Variants in FBXO41 observed in about 807,000 individuals in gnomAD.
FBXO41 encodes F-box only protein 41.
A neutral mutation model predicts 81.6 loss-of-function variants in FBXO41; 33 were observed. The observed-to-expected ratio is 0.40, with a 90% CI of 0.31 to 0.54. The LOEUF (loss-of-function observed/expected upper bound fraction) is 0.54. Among genes scored for constraint, FBXO41 ranks in the 20% least tolerant of loss-of-function variants. The pLI is 0.39. For synonymous variants in FBXO41, 576 were observed against 552.7 expected (o/e 1.04, Z -0.59); for missense variants, 1,107 against 1,236.0 (o/e 0.90, Z 1.56).
rs552850019 is a variant in FBXO41 at position 73,279,854 on chromosome 2, C to T, written c.-139+4306G>A. 1.2e-4 allele frequency among the ~76,000 whole-genome samples: 18 copies of T among 152,272 alleles called. 1 individual carries two copies. Among genetic ancestry groups the T allele is most frequent in the African/African-American group, 3.1e-4 (13 of 41,546 alleles). On this transcript the variant is annotated intron_variant, in intron 1 of 12. Coordinates refer to ENST00000520530, the MANE Select transcript of FBXO41 (RefSeq NM_001371389.2). Reference sequence around the variant, plus strand: ...TAATTTTACTGTATATCTTCACTTCCGCAGGCCCGAGGCACGAATAATTCA... The same window carrying T: ...TAATTTTACTGTATATCTTCACTTCTGCAGGCCCGAGGCACGAATAATTCA...
At position 73,255,000 on chromosome 2, in the gene FBXO41, G is replaced by A. The variant is rs998607615; in HGVS notation, c.*3982C>T. 6.5e-6 allele frequency: 1 copy of A among 152,712 alleles called. No homozygotes were observed. Among genetic ancestry groups the A allele is most frequent in the African/African-American group, 2.4e-5 (1 of 41,470 alleles). The allele number at this position is 152,712 out of a possible 1,614,324, so 9.5% of individuals were successfully genotyped here. A position where few individuals can be genotyped will look rare whatever the true frequency, so the allele number is the denominator to read the frequency against. Reference sequence around the variant, plus strand: ...CTCAGGCCCATTATAGCCTAGCTGTGTAGGAAGGTAGGGCCTAAGGGCCAG... The same window carrying A: ...CTCAGGCCCATTATAGCCTAGCTGTATAGGAAGGTAGGGCCTAAGGGCCAG... On this transcript the variant is annotated 3_prime_UTR_variant, in exon 13 of 13. Coordinates refer to ENST00000520530, the MANE Select transcript of FBXO41 (RefSeq NM_001371389.2).
intron 1 of FBXO41, among the ~76,000 whole-genome samples, chr2:73,283,702 C>T (rs928156797): frequency 2.0e-5 from 3 of 152,228 alleles, no homozygotes; most frequent in Non-Finnish European, 1.5e-5. Context: ...TGCACACCTC[C>T]AGACTATCAC....
At chr2:73,280,651 C>T (rs1176389794) in intron 1 of FBXO41, among the ~76,000 whole-genome samples, 10 of 152,322 alleles carry the variant, frequency 6.6e-5, no homozygotes, top group African/African-American at 1.9e-4. Context: ...CAAATGCTAC[C>T]TTTTCCATCA....
Position 73,266,673 on chromosome 2 carries a change from C to T in FBXO41, c.915G>A (p.Val305=). ...TCTCCTTCAGGAACTGGTCGATCTG[C>T]ACCACCTCCCTGGGCCCAGAGCAGT... is the stretch of plus-strand genomic sequence containing the variant. ...QELSRKQQEV[V]QIDQFLKETA... Residue 305 remains valine, a synonymous_variant, in exon 3 of 13, where the codon GTG becomes GTA. Transcript: ENST00000520530. This position sits in a 1 kb window ranked among gnomAD's most constrained non-coding sequence, Gnocchi z 5.3. 5 of 1,586,496 alleles carry T rather than the reference C, an allele frequency of 3.2e-6. No homozygotes were observed. Among genetic ancestry groups the T allele is most frequent in the Non-Finnish European group, 4.3e-6 (5 of 1,167,164 alleles).
chr2:73,271,007 T>C (rs542232414), intron 1 of FBXO41: 4 of 499,970 alleles, frequency 8.0e-6, no homozygotes, highest in South Asian at 6.0e-5. Context: ...GATTTTCCCC[T>C]GGGTTCTGCA....
intron 1 of FBXO41, among the ~76,000 whole-genome samples, chr2:73,272,669 G>A (rs1688575506): frequency 6.6e-6 from 1 of 152,246 alleles, no homozygotes; most frequent in Non-Finnish European, 1.5e-5. Flanking sequence ...GTTAGAGGCT[G>A]CAGAACCAAG....
chr2:73,259,202 C>T lies in FBXO41; in HGVS notation c.2544G>A (p.Glu848=). ...TCACCTGGAGTTTTGTCACCATGTCCTCAAACAGCTTCTGGGCCTCAGGGC... is the reference window on the plus strand; with the variant it reads ...TCACCTGGAGTTTTGTCACCATGTCTTCAAACAGCTTCTGGGCCTCAGGGC... ...PSSPEAQKLF[E]DMVTKLQALR... Residue 848 remains glutamate (E), a synonymous_variant, in exon 12 of 13, where the codon GAG becomes GAA. Transcript: ENST00000520530. This position sits in a 1 kb window ranked among gnomAD's most constrained non-coding sequence, Gnocchi z 4.2. The T allele has an allele frequency of 6.2e-7, 1 of 1,614,014 alleles. No individual in the cohort carries two copies. The highest frequency in any genetic ancestry group is 8.5e-7 in the Non-Finnish European group (1 of 1,179,890).
At chr2:73,277,919 G>T (rs1274720512) in intron 1 of FBXO41, among the ~76,000 whole-genome samples, 1 of 152,206 alleles carries the variant, frequency 6.6e-6, no homozygotes, top group African/African-American at 2.4e-5. Context: ...TTAGTGAGCT[G>T]CCCCTCTGTA....
rs778737158 is a variant in FBXO41 at position 73,259,283 on chromosome 2, G to A, written c.2463C>T (p.Asn821=). Residue 821 remains asparagine (N), a synonymous_variant, in exon 12 of 13, where the codon AAC becomes AAT. Transcript: ENST00000520530. This position sits in a 1 kb window ranked among gnomAD's most constrained non-coding sequence, Gnocchi z 4.2. The stretch of plus-strand genomic sequence containing the variant: ...CAATCTGGACCACAATGGACTTGAG[G>A]TTCCGGCAGATGCCTGAGAAAAGGT... ...ALLHFNSICR[N]LKSIVVQIGI... The A allele has an allele frequency of 1.9e-6, 3 of 1,614,062 alleles. No homozygotes were observed. The highest frequency in any genetic ancestry group is 2.2e-5 in the South Asian group (2 of 91,092).
chr2:73,283,936 G>T (rs1482131231), intron 1 of FBXO41, among the ~76,000 whole-genome samples: 1 of 152,140 alleles, frequency 6.6e-6, no homozygotes, highest in Non-Finnish European at 1.5e-5. Context: ...AGGCGAGAGG[G>T]GGGAGGGGAA....
At position 73,265,414 on chromosome 2, in the gene FBXO41, T is replaced by C. The variant is rs1172747272; in HGVS notation, c.1432A>G (p.Ser478Gly). ...ACATCACCCTCTTCCCCCTCAGTGC[T>C]GTGTCGGCGGGGTCTGCGCTGCCAG... ...QNWQRRPRRHSTEGEEGDVSD... is the reference protein window; with the variant it reads ...QNWQRRPRRHGTEGEEGDVSD... The change falls in exon 5 of 13, where the codon AGC becomes GGC. Residue 478 changes from serine to glycine, a missense_variant. Ser to Gly is a moderately conservative substitution (Grantham distance 56). Around this residue, in one of 2 missense-constraint regions of FBXO41, gnomAD observed 771 missense variants for 789.2 expected, o/e 0.98. Coordinates refer to ENST00000520530, the MANE Select transcript of FBXO41 (RefSeq NM_001371389.2). 2 of 1,610,180 alleles carry C rather than the reference T, an allele frequency of 1.2e-6. No individual in the cohort carries two copies. Among genetic ancestry groups the C allele is most frequent in the Non-Finnish European group, 1.7e-6 (2 of 1,179,708 alleles).
chr2:73,265,831 G>A (rs1688243471), intron 4 of FBXO41, 62 bp downstream of exon 4: 2 of 1,526,716 alleles, frequency 1.3e-6, no homozygotes, highest in South Asian at 1.2e-5. Context: ...GCCCCAGACA[G>A]GCCAGCGGAT....
chr2:73,259,073 C>A lies in FBXO41; in HGVS notation c.2566-29G>T. ...CGGACCGAACCCTGGGTTAGTTCTCCCTCCGTGCCAGGCAGGTGGGGCCCT... is the reference window on the plus strand; with the variant it reads ...CGGACCGAACCCTGGGTTAGTTCTCACTCCGTGCCAGGCAGGTGGGGCCCT... On this transcript the variant is annotated intron_variant, in intron 12 of 12. Coordinates refer to ENST00000520530, the MANE Select transcript of FBXO41 (RefSeq NM_001371389.2). The surrounding 1 kb of genome is among the most constrained non-coding windows in gnomAD (Gnocchi z 4.2). 7 of 1,606,144 alleles carry A rather than the reference C, an allele frequency of 4.4e-6. No individual in the cohort carries two copies. Among genetic ancestry groups the A allele is most frequent in the Non-Finnish European group, 6.0e-6 (7 of 1,175,888 alleles).
intron 6 of FBXO41, 71 bp downstream of exon 6, chr2:73,264,207 A>G (rs957760112): frequency 6.2e-7 from 1 of 1,604,576 alleles, no homozygotes; most frequent in South Asian, 1.1e-5. Context: ...CCAGACCTCA[A>G]GGGGCCAGAT....
chr2:73,261,526 C>T (rs1181710251), intron 9 of FBXO41, among the ~76,000 whole-genome samples: 1 of 152,160 alleles, frequency 6.6e-6, no homozygotes, highest in East Asian at 1.9e-4. Context: ...CTGAGCTAGG[C>T]CCTGGGGGTA....
intron 1 of FBXO41, among the ~76,000 whole-genome samples, chr2:73,280,829 A>G (rs577807455): frequency 1.2e-4 from 19 of 152,228 alleles, no homozygotes; most frequent in Non-Finnish European, 2.4e-4. Flanking sequence ...AGACAATACA[A>G]CTGATTCATC....
chr2:73,263,120 C>T, intron 9 of FBXO41, 93 bp downstream of exon 9: 1 of 980,460 alleles, frequency 1.0e-6, no homozygotes, highest in East Asian at 2.7e-5. Flanking sequence ...GTCCTAATAG[C>T]TTGTGGAATG....
At chr2:73,267,944 A>G (rs1244646214) in intron 2 of FBXO41, among the ~76,000 whole-genome samples, 1 of 152,346 alleles carries the variant, frequency 6.6e-6, no homozygotes, top group African/African-American at 2.4e-5. Context: ...ATGCTTTTGT[A>G]GCATCGGAAA....
At chr2:73,272,285 T>TG (rs2103897869) in intron 1 of FBXO41, 1 of 152,348 alleles carries the variant, frequency 6.6e-6, no homozygotes, top group South Asian at 2.1e-4. Flanking sequence ...AGACACACTC[T>TG]GGTTGAAAGG....
Sources: allele counts gnomAD v4.1 joint callset (sites outside exome capture counted in the v4.1 genomes callset), GRCh38; gene constraint gnomAD v4.1.1; regional missense constraint gnomAD v4.1.1; non-coding constraint Gnocchi (gnomAD v3.1); transcripts MANE v1.5; gene names NCBI Gene and HGNC (gene_info 2026-07-23, HGNC 2026-07-21).